USP54: variants seen among roughly 807,000 people sequenced by gnomAD.
USP54 encodes the protein ubiquitin specific peptidase 54.
A neutral mutation model predicts 170.5 loss-of-function variants in USP54; 87 were observed. The observed-to-expected ratio is 0.51, with a 90% CI of 0.43 to 0.61. USP54 has a LOEUF of 0.61. Ranked by LOEUF, USP54 falls within the 20% of genes least tolerant of loss-of-function variation. The pLI, the probability that USP54 is intolerant of heterozygous loss-of-function variation, is 0.00. For synonymous variants in USP54, 655 were observed against 742.8 expected (o/e 0.88, Z 1.92); for missense variants, 1,786 against 2,047.8 (o/e 0.87, Z 2.47).
chr10:73,561,104 C>CAAAAA (rs919887025), intron 4 of USP54, among the ~76,000 whole-genome samples: 22 of 30,416 alleles, frequency 7.2e-4, no homozygotes, highest in South Asian at 1.1e-3. Flanking sequence ...GACTCCATCT[C>CAAAAA]AAAAAAAAAA....
rs368847982 is a variant in USP54 at position 73,542,552 on chromosome 10, C to T, written c.572+251G>A. Among the ~76,000 whole-genome samples, 79 of 152,172 alleles carry T rather than the reference C, an allele frequency of 5.2e-4. No individual in the cohort carries two copies. The East Asian group carries it at 0.012, about 22-fold the overall frequency. ...CAGCCTGACCAACATGATGAAACAC[C>T]GTCCTGCTAAAAACACAAAAAAATT... On this transcript the variant is annotated intron_variant, in intron 7 of 23. Transcript: ENST00000687698.
At chr10:73,599,874 G>A (rs1454940793) in intron 1 of USP54, among the ~76,000 whole-genome samples, 6 of 148,012 alleles carry the variant, frequency 4.1e-5, no homozygotes, top group Non-Finnish European at 7.4e-5. Flanking sequence ...GAGCTACAAT[G>A]AACCAAAATC....
Position 73,517,481 on chromosome 10 carries a change from T to A in USP54, c.2945A>T (p.Glu982Val). 6.2e-7 allele frequency: 1 copy of A among 1,614,222 alleles called. No homozygotes were observed. Among genetic ancestry groups the A allele is most frequent in the Non-Finnish European group, 8.5e-7 (1 of 1,180,036 alleles). Residue 982 changes from glutamate to valine, a missense_variant, in exon 20 of 24, where the codon GAG becomes GTG. Transcript: ENST00000687698. Reference sequence around the variant, plus strand: ...CTCCCAACTATGATGAGAATTCTTCTCAGTCCACCCTGGTGCTTTAGGTAA... The same window carrying A: ...CTCCCAACTATGATGAGAATTCTTCACAGTCCACCCTGGTGCTTTAGGTAA... ...QGLPKAPGWT[E>V]KNSHHSWEPL...
At chr10:73,510,615 T>C (rs1194126727) in intron 20 of USP54, among the ~76,000 whole-genome samples, 1 of 151,796 alleles carries the variant, frequency 6.6e-6, no homozygotes, top group Non-Finnish European at 1.5e-5. Flanking sequence ...GCCCAGCTAA[T>C]TTTTTGTATT....
At chr10:73,576,498 GAAAAAAAGA>G (rs1841278144) in intron 1 of USP54, 137 bp from the exon 2 acceptor site, 1 of 57,368 alleles carries the variant, frequency 1.7e-5, no homozygotes, top group Admixed American at 1.8e-4. Context: ...CAAAAAAAAA[GAAAAAAAGA>G]AAAAAAAAAA....
At chr10:73,534,973 C>T (rs2064924978) in intron 11 of USP54, among the ~76,000 whole-genome samples, 2 of 152,140 alleles carry the variant, frequency 1.3e-5, no homozygotes, top group Admixed American at 1.3e-4. Flanking sequence ...TCCTCCCATC[C>T]CTTTCCCTAC....
intron 5 of USP54, among the ~76,000 whole-genome samples, chr10:73,543,644 GCGTGAGCCAC>G (rs1206432915): frequency 6.6e-6 from 1 of 152,196 alleles, no homozygotes; most frequent in Non-Finnish European, 1.5e-5. Context: ...GGGATTACAG[GCGTGAGCCAC>G]CGCACCCGGC....
At chr10:73,598,038 TCACGC>T (rs150991566) in intron 1 of USP54, among the ~76,000 whole-genome samples, 5,051 of 152,000 alleles carry the variant, frequency 0.033, 208 homozygotes, top group East Asian at 0.22. Flanking sequence ...TGAGCCGAGA[TCACGC>T]CACTGCACTC....
At position 73,542,792 on chromosome 10, in the gene USP54, G is replaced by T; in HGVS notation, c.572+11C>A. ...GCCTAAACGCACAACAGAAAATCTT[G>T]TAAGACTCACCAAAGGGAAGTGGTG... On this transcript the variant is annotated intron_variant, in intron 7 of 23. Coordinates refer to ENST00000687698, the MANE Select transcript of USP54 (RefSeq NM_001391956.1). 6.2e-7 allele frequency: 1 copy of T among 1,610,430 alleles called. No homozygotes were observed. Among genetic ancestry groups the T allele is most frequent in the Non-Finnish European group, 8.5e-7 (1 of 1,177,608 alleles).
At chr10:73,606,324 A>G (rs116110506) in intron 1 of USP54, 3,495 of 152,234 alleles carry the variant, frequency 0.023, 136 homozygotes, top group African/African-American at 0.08. Context: ...TTTAAAAAAT[A>G]AAGAGAACTA....
intron 4 of USP54, among the ~76,000 whole-genome samples, chr10:73,571,093 G>A (rs1312365676): frequency 9.7e-5 from 13 of 134,004 alleles, no homozygotes; most frequent in African/African-American, 1.1e-4. Flanking sequence ...AGCTGAGGTC[G>A]CACCAGTGCA....
At chr10:73,584,603 T>C (rs888322316) in intron 1 of USP54, among the ~76,000 whole-genome samples, 1 of 152,332 alleles carries the variant, frequency 6.6e-6, no homozygotes, top group South Asian at 2.1e-4. Flanking sequence ...TGTAAAATGA[T>C]AGCGGTCTTG....
intron 1 of USP54, among the ~76,000 whole-genome samples, chr10:73,607,002 G>A (rs960218237): frequency 2.0e-4 from 30 of 151,004 alleles, no homozygotes; most frequent in African/African-American, 7.3e-4. Context: ...TATATTTCTA[G>A]AGGCAGGAAT....
Position 73,526,757 on chromosome 10 carries a change from G to C in USP54, c.2084C>G (p.Ala695Gly). ...ATGACGCCAGGAAGGAACCAACCCAGCTGATCTCTTAGCACTTGGATCCCT... is the reference window on the plus strand; with the variant it reads ...ATGACGCCAGGAAGGAACCAACCCACCTGATCTCTTAGCACTTGGATCCCT... ...VYRDPSAKRSAGLVPSWRHIP... is the reference protein window; with the variant it reads ...VYRDPSAKRSGGLVPSWRHIP... Residue 695 changes from alanine (A) to glycine (G), a missense_variant, in exon 16 of 24, where the codon GCT becomes GGT. Around this residue, in one of 3 missense-constraint regions of USP54, gnomAD observed 1,418 missense variants for 1,569.0 expected, o/e 0.90. Transcript: ENST00000687698. 1 of 1,613,964 alleles carries C rather than the reference G, an allele frequency of 6.2e-7. No homozygotes were observed. The highest frequency in any genetic ancestry group is 8.5e-7 in the Non-Finnish European group (1 of 1,179,984).
intron 9 of USP54, among the ~76,000 whole-genome samples, chr10:73,539,864 G>A (rs866750260): frequency 7.2e-5 from 11 of 152,062 alleles, no homozygotes; most frequent in South Asian, 2.1e-4. Flanking sequence ...GGTGGCTCAC[G>A]CCTGTAATTC....
upstream of USP54, among the ~76,000 whole-genome samples, chr10:73,595,058 T>C (rs939567418): frequency 3.3e-5 from 5 of 152,098 alleles, no homozygotes; most frequent in African/African-American, 1.2e-4. Context: ...CCAGAGTAGC[T>C]GGGATTACAG....
chr10:73,517,982 C>A (rs1397703802), intron 19 of USP54, among the ~76,000 whole-genome samples: 1 of 152,184 alleles, frequency 6.6e-6, no homozygotes, highest in African/African-American at 2.4e-5. Flanking sequence ...AACACCCTCA[C>A]CAAAGTTGCA....
At position 73,598,852 on chromosome 10, in the gene USP54, G is replaced by A. The variant is rs559515989; in HGVS notation, c.-17-23177C>T. ...GGAGAATCGCTTGAACCCAGGAGAT[G>A]GAGGTTGCAGTGAGCCAACAGAGCG... is the stretch of plus-strand genomic sequence containing the variant. On this transcript the variant is annotated intron_variant, in intron 1 of 22. Transcript: ENST00000339859. Among the ~76,000 whole-genome samples, 18 of 152,292 alleles carry A rather than the reference G, an allele frequency of 1.2e-4. No individual in the cohort carries two copies. In the East Asian group the frequency reaches 3.1e-3, roughly 26 times the overall value.
At chr10:73,614,561 CAAAAAAAAAAA>C (rs60519884) in intron 1 of USP54, among the ~76,000 whole-genome samples, 4 of 50,244 alleles carry the variant, frequency 8.0e-5, no homozygotes, top group Admixed American at 4.3e-4. Flanking sequence ...ACTCCGTCTC[CAAAAAAAAAAA>C]AAAAAAAAAA....
Sources: allele counts gnomAD v4.1 joint callset (sites outside exome capture counted in the v4.1 genomes callset), GRCh38; gene constraint gnomAD v4.1.1; regional missense constraint gnomAD v4.1.1; transcripts MANE v1.5; gene names NCBI Gene and HGNC (gene_info 2026-07-23, HGNC 2026-07-21).